RBFOX1: variants seen among roughly 807,000 people sequenced by gnomAD.
The protein encoded by RBFOX1 is RNA binding protein fox-1 homolog 1.
In RBFOX1, 8 loss-of-function variants were observed where a neutral mutation model predicts 57.7. That is an observed-to-expected ratio of 0.14 (90% CI 0.08 to 0.25). RBFOX1 has a LOEUF of 0.25. RBFOX1 is among the 10% of genes least tolerant of loss of function. The probability of loss-of-function intolerance (pLI) is 1.00; values close to 1 mark genes in which losing one functional copy is unlikely to be tolerated. For synonymous variants in RBFOX1, 326 were observed against 222.4 expected (o/e 1.47, Z -4.15); for missense variants, 611 against 548.5 (o/e 1.11, Z -1.14).
intron 2 of RBFOX1, among the ~76,000 whole-genome samples, chr16:6,608,455 G>C (rs915899769): frequency 6.6e-6 from 1 of 152,106 alleles, no homozygotes; most frequent in East Asian, 1.9e-4. Context: ...TTCGTTTCCT[G>C]TTACTATTTC....
Position 5,897,178 on chromosome 16 carries a change from G to GGCGCCCGCCACC in RBFOX1, c.351+29851_351+29862dup, listed in dbSNP as rs777018481. On this transcript the variant is annotated intron_variant, in intron 4 of 19. Transcript: ENST00000641259. ...AGCCTCCCCAGTAGCTGGGACTACA[G>GGCGCCCGCCACC]GCGCCCGCCACCGCGCCCGGCTAAT... Among the ~76,000 whole-genome samples, 21 of 152,064 alleles carry GGCGCCCGCCACC rather than the reference G, an allele frequency of 1.4e-4. 1 individual carries two copies. In the South Asian group the frequency reaches 4.4e-3, roughly 32 times the overall value.
intron 3 of RBFOX1, among the ~76,000 whole-genome samples, chr16:6,825,871 C>T (rs1320724953): frequency 1.3e-5 from 2 of 152,148 alleles, no homozygotes; most frequent in Non-Finnish European, 2.9e-5. Context: ...CTTGGGGAGC[C>T]TTCTGATGTA....
chr16:6,827,783 C>T (rs1338669882), intron 3 of RBFOX1, among the ~76,000 whole-genome samples: 1 of 152,202 alleles, frequency 6.6e-6, no homozygotes, highest in East Asian at 1.9e-4. Flanking sequence ...TAGTCTTTCC[C>T]TGGCCTTTAT....
At chr16:6,508,205 G>A (rs1190647318) in intron 2 of RBFOX1, among the ~76,000 whole-genome samples, 1 of 152,084 alleles carries the variant, frequency 6.6e-6, no homozygotes, top group African/African-American at 2.4e-5. Context: ...ACATCCTGGG[G>A]CCTTTTGGAG....
intron 4 of RBFOX1, among the ~76,000 whole-genome samples, chr16:7,457,740 A>T (rs977852400): frequency 6.6e-6 from 1 of 151,992 alleles, no homozygotes; most frequent in African/African-American, 2.4e-5. Context: ...ACATCTAAAA[A>T]CGTTTATCTT....
At chr16:6,722,927 C>G (rs1362771881) in intron 3 of RBFOX1, among the ~76,000 whole-genome samples, 2 of 152,128 alleles carry the variant, frequency 1.3e-5, no homozygotes, top group Non-Finnish European at 2.9e-5. Context: ...TGGTTGGGGA[C>G]TAGGGGGCCC....
At chr16:6,740,117 G>A (rs559465943) in intron 3 of RBFOX1, among the ~76,000 whole-genome samples, 24 of 152,244 alleles carry the variant, frequency 1.6e-4, no homozygotes, top group African/African-American at 5.8e-4. Flanking sequence ...TTCAGTATTT[G>A]AAAATCAATT....
chr16:7,340,993 T>G (rs1308930424), intron 4 of RBFOX1, among the ~76,000 whole-genome samples: 1 of 152,224 alleles, frequency 6.6e-6, no homozygotes, highest in Non-Finnish European at 1.5e-5. Context: ...CACTCTCTGC[T>G]GCTGCTTTGG....
chr16:7,352,006 G>C (rs995764553), intron 4 of RBFOX1, among the ~76,000 whole-genome samples: 13 of 152,146 alleles, frequency 8.5e-5, no homozygotes, highest in African/African-American at 3.1e-4. Flanking sequence ...AGAGTGATTC[G>C]TGGGCTCAGT....
intron 4 of RBFOX1, among the ~76,000 whole-genome samples, chr16:5,944,162 T>C (rs951745197): frequency 2.0e-5 from 3 of 152,240 alleles, no homozygotes; most frequent in Admixed American, 2.0e-4. Flanking sequence ...AAGATGGCCA[T>C]TGATCTAATG....
intron 3 of RBFOX1, among the ~76,000 whole-genome samples, chr16:6,885,827 G>A (rs554709565): frequency 3.2e-4 from 48 of 152,094 alleles, no homozygotes; most frequent in Non-Finnish European, 5.4e-4. Flanking sequence ...CACTGCACCC[G>A]GCCTTAGTCA....
At chr16:5,491,202 A>G (rs944546320) in intron 2 of RBFOX1, among the ~76,000 whole-genome samples, 64 of 152,272 alleles carry the variant, frequency 4.2e-4, no homozygotes, top group African/African-American at 1.3e-3. Flanking sequence ...GCAAGAGTAC[A>G]GCTGGATGAA....
chr16:5,645,275 C>CAAA lies in RBFOX1; in HGVS notation c.318+46323_318+46325dup, dbSNP rs34233346. Among the ~76,000 whole-genome samples, 894 of 148,230 alleles carry CAAA rather than the reference C, an allele frequency of 6.0e-3. 10 individuals are homozygous for CAAA. The highest frequency in any genetic ancestry group is 0.02 in the African/African-American group (812 of 39,902). On this transcript the variant is annotated intron_variant, in intron 3 of 19. Coordinates refer to the RBFOX1 transcript ENST00000641259. ...AAAAAAACAAAAACAGAAACAAAAA[C>CAAA]AAAAAAAAAAACATGCTGAGTGAAA... is the stretch of plus-strand genomic sequence containing the variant.
intron 3 of RBFOX1, among the ~76,000 whole-genome samples, chr16:7,023,466 AAAAAG>A (rs2039905831): frequency 4.6e-5 from 7 of 151,020 alleles, no homozygotes; most frequent in Admixed American, 4.0e-4. Context: ...TCTCAAAAAA[AAAAAG>A]AGAGAAATGA....
chr16:7,396,529 C>G (rs929857419), intron 4 of RBFOX1, among the ~76,000 whole-genome samples: 3 of 152,182 alleles, frequency 2.0e-5, no homozygotes, highest in African/African-American at 4.8e-5. Flanking sequence ...CTCAGAGTAG[C>G]TTAATACTCT....
chr16:5,370,358 G>C (rs116769560), intron 1 of RBFOX1, among the ~76,000 whole-genome samples: 5 of 151,666 alleles, frequency 3.3e-5, no homozygotes, highest in Non-Finnish European at 7.4e-5. Context: ...GCTGTTTGAC[G>C]TCCTCCCTGG....
Position 7,653,646 on chromosome 16 carries a change from C to G in RBFOX1, c.758-169C>G, listed in dbSNP as rs191411464. ...CTACTCATCCTCTCTGGAGTCCCACCCTGGCCACCGTGCTGCTCTCTGCTT... is the reference window on the plus strand; with the variant it reads ...CTACTCATCCTCTCTGGAGTCCCACGCTGGCCACCGTGCTGCTCTCTGCTT... On this transcript the variant is annotated intron_variant, in intron 11 of 15. Coordinates refer to ENST00000550418, the MANE Select transcript of RBFOX1 (RefSeq NM_018723.4). Among the ~76,000 whole-genome samples, 186 of 152,320 alleles carry G rather than the reference C, an allele frequency of 1.2e-3. 1 individual carries two copies. Among genetic ancestry groups the G allele is most frequent in the Admixed American group, 2.8e-3 (43 of 15,310 alleles).
intron 2 of RBFOX1, among the ~76,000 whole-genome samples, chr16:6,419,052 C>T (rs2093703736): frequency 6.6e-6 from 1 of 152,190 alleles, no homozygotes; most frequent in Non-Finnish European, 1.5e-5. Flanking sequence ...GTCTTGATAG[C>T]CTTTCACACA....
At chr16:5,859,925 C>A (rs1463599108) in intron 3 of RBFOX1, among the ~76,000 whole-genome samples, 24 of 152,172 alleles carry the variant, frequency 1.6e-4, no homozygotes, top group Admixed American at 1.6e-3. Context: ...TTGACTGGCA[C>A]ATTGGTCAGG....
Sources: gnomAD v4.1 joint callset for allele counts (sites outside exome capture counted in the v4.1 genomes callset) on GRCh38, gnomAD v4.1.1 for gene constraint, MANE v1.5 for transcripts, NCBI Gene and HGNC (gene_info 2026-07-23, HGNC 2026-07-21) for gene names.